KIAA1217: variants seen among roughly 807,000 people sequenced by gnomAD.
The protein encoded by KIAA1217 is KIAA1217.
KIAA1217 carries 88 observed loss-of-function variants against 163.9 expected under a neutral mutation model. The ratio of observed to expected loss-of-function variants is 0.54; its 90% confidence interval spans 0.45 to 0.64. The LOEUF is 0.64. Among genes scored for constraint, KIAA1217 ranks in the 30% least tolerant of loss-of-function variants. The pLI is 0.00. For synonymous variants in KIAA1217, 903 were observed against 923.1 expected (o/e 0.98, Z 0.39); for missense variants, 2,372 against 2,475.0 (o/e 0.96, Z 0.88).
intron 1 of KIAA1217, among the ~76,000 whole-genome samples, chr10:23,873,388 T>C (rs938748348): frequency 6.6e-6 from 1 of 152,064 alleles, no homozygotes; most frequent in African/African-American, 2.4e-5. Context: ...GTGATTTATC[T>C]TAAAAATGAA....
At chr10:23,838,907 T>A (rs1838626637) in intron 1 of KIAA1217, among the ~76,000 whole-genome samples, 1 of 152,240 alleles carries the variant, frequency 6.6e-6, no homozygotes, top group African/African-American at 2.4e-5. Context: ...TAATCTATTA[T>A]CTGCTGTTCT....
rs191033883 is a variant in KIAA1217 at position 23,898,092 on chromosome 10, G to A, written c.-320-109133G>A. ...CTGGTGCTTAGCTGTTGCTAAGGGA[G>A]TCTAAGAAAACAGTGGCTACTCATA... On this transcript the variant is annotated intron_variant, in intron 1 of 18. Coordinates refer to the KIAA1217 transcript ENST00000376462. Among the ~76,000 whole-genome samples, 529 of 152,060 alleles carry A rather than the reference G, an allele frequency of 3.5e-3. 7 individuals carry two copies. The highest frequency in any genetic ancestry group is 0.011 in the African/African-American group (456 of 41,520).
At chr10:24,233,476 C>T (rs932379154) in intron 2 of KIAA1217, among the ~76,000 whole-genome samples, 1 of 152,148 alleles carries the variant, frequency 6.6e-6, no homozygotes, top group African/African-American at 2.4e-5. Context: ...ATAGCATGCA[C>T]TGCCAAAGAG....
At chr10:23,838,575 C>T (rs914254118) in intron 1 of KIAA1217, among the ~76,000 whole-genome samples, 2 of 152,124 alleles carry the variant, frequency 1.3e-5, no homozygotes, top group Non-Finnish European at 2.9e-5. Context: ...ATTCTCCTGC[C>T]TCAGCCTCCC....
chr10:24,296,963 T>C (rs868136396), intron 2 of KIAA1217, among the ~76,000 whole-genome samples: 1 of 152,218 alleles, frequency 6.6e-6, no homozygotes, highest in African/African-American at 2.4e-5. Flanking sequence ...TGTCAAAAGC[T>C]GAGTATTCCA....
At chr10:23,893,099 C>T (rs1313296245) in intron 1 of KIAA1217, among the ~76,000 whole-genome samples, 2 of 151,910 alleles carry the variant, frequency 1.3e-5, no homozygotes, top group Non-Finnish European at 2.9e-5. Flanking sequence ...TGGTAGAATT[C>T]GGCTGTGAAT....
intron 1 of KIAA1217, among the ~76,000 whole-genome samples, chr10:23,992,217 T>G (rs1846248693): frequency 6.6e-6 from 1 of 152,206 alleles, no homozygotes; most frequent in Non-Finnish European, 1.5e-5. Flanking sequence ...GGAAATTACT[T>G]TGGCAAATAT....
chr10:23,736,213 G>A (rs1838791458), intron 1 of KIAA1217, among the ~76,000 whole-genome samples: 1 of 152,178 alleles, frequency 6.6e-6, no homozygotes, highest in Non-Finnish European at 1.5e-5. Flanking sequence ...ACATTCTCCT[G>A]TATGTTTAAA....
chr10:24,352,857 T>C (rs2048625386), intron 2 of KIAA1217, among the ~76,000 whole-genome samples: 1 of 151,572 alleles, frequency 6.6e-6, no homozygotes, highest in African/African-American at 2.4e-5. Flanking sequence ...TAAACCCCCA[T>C]GGCTTAAAGT....
intron 1 of KIAA1217, among the ~76,000 whole-genome samples, chr10:23,749,678 T>C (rs940479997): frequency 1.3e-5 from 2 of 152,242 alleles, no homozygotes; most frequent in African/African-American, 4.8e-5. Flanking sequence ...GTGCTGGGAT[T>C]ATAGGCGTGA....
chr10:24,465,884 C>G (rs2062893566), intron 5 of KIAA1217, among the ~76,000 whole-genome samples: 1 of 152,154 alleles, frequency 6.6e-6, no homozygotes, highest in Non-Finnish European at 1.5e-5. Flanking sequence ...GGTTTCCTTT[C>G]CAGAATCCCC....
At chr10:23,801,421 C>T (rs1836462049) in intron 1 of KIAA1217, among the ~76,000 whole-genome samples, 1 of 152,114 alleles carries the variant, frequency 6.6e-6, no homozygotes, top group South Asian at 2.1e-4. Flanking sequence ...CACGTGTATA[C>T]CTATGTAACA....
chr10:24,112,408 C>T (rs1471399725), intron 2 of KIAA1217, among the ~76,000 whole-genome samples: 1 of 152,028 alleles, frequency 6.6e-6, no homozygotes, highest in Non-Finnish European at 1.5e-5. Flanking sequence ...TCCATAGGCT[C>T]AAGTATATAG....
chr10:23,934,898 T>C (rs1360412456), intron 1 of KIAA1217, among the ~76,000 whole-genome samples: 21 of 151,994 alleles, frequency 1.4e-4, no homozygotes, highest in Admixed American at 1.2e-3. Flanking sequence ...ATTACAGGCA[T>C]GAGCCACCGC....
At chr10:24,447,732 G>C (rs1320478866) in intron 5 of KIAA1217, among the ~76,000 whole-genome samples, 2 of 152,208 alleles carry the variant, frequency 1.3e-5, no homozygotes, top group African/African-American at 4.8e-5. Context: ...GTACGTGTTT[G>C]AGGCTTATAG....
chr10:23,729,965 G>A (rs1022725266), intron 1 of KIAA1217, among the ~76,000 whole-genome samples: 3 of 151,314 alleles, frequency 2.0e-5, no homozygotes, highest in African/African-American at 7.3e-5. Flanking sequence ...GCAGTGGCAC[G>A]ATCTCTGTTC....
intron 1 of KIAA1217, among the ~76,000 whole-genome samples, chr10:24,003,078 A>G (rs754633847): frequency 6.6e-6 from 1 of 152,224 alleles, no homozygotes; most frequent in Non-Finnish European, 1.5e-5. Context: ...GTGGTTCCAC[A>G]TCTCTACAAT....
chr10:24,169,878 C>T (rs1409396981), intron 2 of KIAA1217, among the ~76,000 whole-genome samples: 1 of 151,820 alleles, frequency 6.6e-6, no homozygotes, highest in African/African-American at 2.4e-5. Context: ...TAAACAACAA[C>T]AAAAAGAAAA....
intron 10 of KIAA1217, among the ~76,000 whole-genome samples, chr10:24,517,329 G>C (rs2070352743): frequency 6.6e-6 from 1 of 152,108 alleles, no homozygotes; most frequent in South Asian, 2.1e-4. Flanking sequence ...GCTGGAAATA[G>C]CTAGAAGAGA....
Sources: gnomAD v4.1 joint callset for allele counts (sites outside exome capture counted in the v4.1 genomes callset) on GRCh38, gnomAD v4.1.1 for gene constraint, MANE v1.5 for transcripts, NCBI Gene and HGNC (gene_info 2026-07-23, HGNC 2026-07-21) for gene names.